GPC6: variants seen among roughly 807,000 people sequenced by gnomAD.
GPC6 encodes the protein glypican 6.
In GPC6, 14 loss-of-function variants were observed where a neutral mutation model predicts 55.2. That is an observed-to-expected ratio of 0.25 (90% CI 0.17 to 0.40). GPC6 has a LOEUF of 0.40. Among genes scored for constraint, GPC6 ranks in the 10% least tolerant of loss-of-function variants. GPC6 has a pLI of 1.00. For synonymous variants in GPC6, 278 were observed against 259.6 expected, an observed-to-expected ratio of 1.07 and a Z score of -0.68; for missense variants, 641 against 708.5, an observed-to-expected ratio of 0.90 and a Z score of 1.08.
chr13:93,623,457 T>TTTCC (rs138089089), intron 2 of GPC6, among the ~76,000 whole-genome samples: 2 of 21,020 alleles, frequency 9.5e-5, no homozygotes, highest in Non-Finnish European at 7.1e-4. Flanking sequence ...TTTCTTTTCT[T>TTTCC]TTTTTTTTTT....
intron 3 of GPC6, among the ~76,000 whole-genome samples, chr13:94,009,982 A>ATAGAT (rs1566281986): frequency 6.6e-6 from 1 of 152,194 alleles, no homozygotes. Context: ...GTAAAGCTCT[A>ATAGAT]TAGATTATAG....
intron 1 of GPC6, among the ~76,000 whole-genome samples, chr13:93,252,324 C>T (rs1281669510): frequency 6.6e-6 from 1 of 152,190 alleles, no homozygotes; most frequent in African/African-American, 2.4e-5. Context: ...TTCAATAACT[C>T]AAACTATTTT....
chr13:93,495,835 C>T (rs1193706075), intron 1 of GPC6, among the ~76,000 whole-genome samples: 15 of 147,112 alleles, frequency 1.0e-4, no homozygotes, highest in Admixed American at 1.4e-4. Flanking sequence ...TTAGGCTGCT[C>T]GGGGGTCAGG....
chr13:93,365,763 T>C (rs1881224549), intron 1 of GPC6, among the ~76,000 whole-genome samples: 1 of 152,050 alleles, frequency 6.6e-6, no homozygotes, highest in Non-Finnish European at 1.5e-5. Flanking sequence ...CTGCCATCTA[T>C]CACTTTACAT....
chr13:94,126,144 C>T (rs951252257), intron 4 of GPC6, among the ~76,000 whole-genome samples: 29 of 152,072 alleles, frequency 1.9e-4, no homozygotes, highest in African/African-American at 7.0e-4. Context: ...TTGGGAGAGG[C>T]AGAGGCAGGA....
intron 1 of GPC6, among the ~76,000 whole-genome samples, chr13:93,285,947 A>G (rs1246922225): frequency 6.6e-6 from 1 of 152,146 alleles, no homozygotes. Context: ...AAGGTATTAG[A>G]ATTTGTCAGC....
chr13:93,219,250 C>T, the GPC6 span, among the ~76,000 whole-genome samples: 2 of 152,038 alleles, frequency 1.3e-5, no homozygotes, highest in African/African-American at 2.4e-5. Context: ...CATACCACCA[C>T]GCCCAGCTAA....
At chr13:93,997,056 G>A (rs1566640248) in intron 3 of GPC6, among the ~76,000 whole-genome samples, 1 of 152,144 alleles carries the variant, frequency 6.6e-6, no homozygotes. Context: ...GAGGATCAAG[G>A]TCAAGTAGCT....
intron 1 of GPC6, among the ~76,000 whole-genome samples, chr13:93,499,091 T>TCACACACACACACA (rs61370011): frequency 4.6e-4 from 62 of 133,738 alleles, no homozygotes; most frequent in African/African-American, 1.2e-3. Context: ...TCCTTAATTG[T>TCACACACACACACA]CACACACACA....
intron 1 of GPC6, among the ~76,000 whole-genome samples, chr13:93,479,558 C>T (rs1170840971): frequency 1.3e-5 from 2 of 151,730 alleles, no homozygotes; most frequent in Non-Finnish European, 2.9e-5. Context: ...CCAAGGCGGG[C>T]AGATCACCTT....
intron 2 of GPC6, among the ~76,000 whole-genome samples, chr13:93,789,180 CT>C (rs1885911031): frequency 1.3e-5 from 2 of 152,076 alleles, no homozygotes; most frequent in African/African-American, 2.4e-5. Context: ...TCTGCTTCGT[CT>C]CTTTTATTTG....
At chr13:93,545,617 C>A (rs1874747109) in intron 2 of GPC6, among the ~76,000 whole-genome samples, 196 bp downstream of exon 2, 1 of 151,212 alleles carries the variant, frequency 6.6e-6, no homozygotes, top group Non-Finnish European at 1.5e-5. Context: ...CTTGGTAAAA[C>A]CTGGTTTAAC....
In GPC6 at chr13:94,054,807, G is replaced by T. The variant is rs1594699532; in HGVS notation, c.877+26913G>T. On this transcript the variant is annotated intron_variant, in intron 4 of 8. Transcript: ENST00000377047. ...CTGAATTTCTTATATTAATCTGTCA[G>T]TGTAAATCATGGGGGAGTGATTTCG... Among the ~76,000 whole-genome samples, 3 of 152,218 alleles carry T rather than the reference G, an allele frequency of 2.0e-5. No homozygotes were observed. The South Asian group carries it at 6.2e-4, about 32-fold the overall frequency.
At chr13:94,269,040 T>C (rs1293517345) in intron 4 of GPC6, among the ~76,000 whole-genome samples, 3 of 151,944 alleles carry the variant, frequency 2.0e-5, no homozygotes, top group Non-Finnish European at 4.4e-5. Flanking sequence ...TTTATTTTTA[T>C]TTTTTTCAAA....
intron 7 of GPC6, among the ~76,000 whole-genome samples, chr13:94,388,372 T>C (rs534297381): frequency 1.3e-5 from 2 of 152,302 alleles, no homozygotes; most frequent in South Asian, 4.1e-4. Context: ...CATCACCCAC[T>C]AATGATAGAC....
chr13:94,347,149 G>C (rs142693547), intron 6 of GPC6, among the ~76,000 whole-genome samples: 1 of 152,116 alleles, frequency 6.6e-6, no homozygotes, highest in Non-Finnish European at 1.5e-5. Context: ...TGCACGATTC[G>C]AGAGTTCCTG....
At chr13:93,900,155 G>GTT (rs61353338) in intron 3 of GPC6, among the ~76,000 whole-genome samples, 1 of 151,548 alleles carries the variant, frequency 6.6e-6, no homozygotes, top group Non-Finnish European at 1.5e-5. Context: ...GCACTTGCTT[G>GTT]TTTTTTTTAA....
At chr13:93,720,533 A>G (rs543980843) in intron 2 of GPC6, among the ~76,000 whole-genome samples, 1 of 151,440 alleles carries the variant, frequency 6.6e-6, no homozygotes, top group South Asian at 2.1e-4. Context: ...GGATTCATTG[A>G]TTTTTGAAGG....
intron 1 of GPC6, among the ~76,000 whole-genome samples, chr13:93,239,809 A>G (rs1178934456): frequency 2.0e-5 from 3 of 152,036 alleles, no homozygotes; most frequent in Non-Finnish European, 4.4e-5. Flanking sequence ...ACAGTATCCC[A>G]GAGATTTTGA....
Sources: gnomAD v4.1 joint callset for allele counts (sites outside exome capture counted in the v4.1 genomes callset) on GRCh38, gnomAD v4.1.1 for gene constraint, MANE v1.5 for transcripts, NCBI Gene and HGNC (gene_info 2026-07-23, HGNC 2026-07-21) for gene names.